FBH1: variants seen among roughly 807,000 people sequenced by gnomAD.
FBH1 encodes the protein DNA 3'-5' helicase 1.
A neutral mutation model predicts 115.5 loss-of-function variants in FBH1; 43 were observed. The ratio of observed to expected loss-of-function variants is 0.37; its 90% CI spans 0.29 to 0.48. The LOEUF (loss-of-function observed/expected upper bound fraction) is 0.48. FBH1 is among the 20% of genes least tolerant of loss of function. FBH1 has a pLI of 0.99. For synonymous variants in FBH1, 524 were observed against 507.8 expected (o/e 1.03, Z -0.43); for missense variants, 1,001 against 1,337.3 (o/e 0.75, Z 3.92).
Position 5,909,087 on chromosome 10 carries a change from C to T in FBH1, c.884+32C>T. On this transcript the variant is annotated intron_variant, in intron 4 of 20. Transcript: ENST00000362091. The surrounding 1 kb of genome is among the most constrained non-coding windows in gnomAD (Gnocchi z 4.4). The stretch of plus-strand genomic sequence containing the variant: ...TTTGCCTGTGCTGTAAAGAAGGCGT[C>T]TTTGAAGTCTTCCTTGTACATCAGT... The T allele has an allele frequency of 1.2e-6, 2 of 1,613,868 alleles. No homozygotes were observed. The highest frequency in any genetic ancestry group is 8.5e-7 in the Non-Finnish European group (1 of 1,179,980).
chr10:5,909,358 T>C lies in FBH1; in HGVS notation c.1020+64T>C, dbSNP rs760546379. 3.9e-6 allele frequency: 6 copies of C among 1,527,442 alleles called. No individual in the cohort carries two copies. In the East Asian group the frequency reaches 1.1e-4, roughly 29 times the overall value. 94.6% of individuals were successfully genotyped at this position (1,527,442 alleles called of 1,614,324 possible). ...TCACTGGAGGAAAGTGTACTGGTGA[T>C]TCAGTTCAATTGAGGATGACTTTAT... On this transcript the variant is annotated intron_variant, in intron 5 of 20. Coordinates refer to ENST00000362091, the MANE Select transcript of FBH1 (RefSeq NM_178150.3). The surrounding 1 kb of genome is among the most constrained non-coding windows in gnomAD (Gnocchi z 4.4).
rs868798721 is a variant in FBH1 at position 5,908,586 on chromosome 10, T to G, written c.754-339T>G. ...AAAAGGTTATCTATGTGTTTGTGGC[T>G]TAATCTGCTTTTTTTCTTTCTTTTT... On this transcript the variant is annotated intron_variant, in intron 3 of 20. Transcript: ENST00000362091. Among the ~76,000 whole-genome samples, 20 of 152,170 alleles carry G rather than the reference T, an allele frequency of 1.3e-4. No homozygotes were observed. In the Middle Eastern group the frequency reaches 0.014, roughly 104 times the overall value.
rs753762406 is a variant in FBH1 at position 5,910,469 on chromosome 10, G to A, written c.1021-469G>A. Among the ~76,000 whole-genome samples the A allele has an allele frequency of 1.3e-5, 2 of 152,120 alleles. No individual in the cohort carries two copies. The highest frequency in any genetic ancestry group is 2.4e-5 in the African/African-American group (1 of 41,416). Reference sequence around the variant, plus strand: ...ATAGCAAGTTAACACCGTCATGCTGGAGAACTGCCAGATTTTATTTTCCCC... The same window carrying A: ...ATAGCAAGTTAACACCGTCATGCTGAAGAACTGCCAGATTTTATTTTCCCC... On this transcript the variant is annotated intron_variant, in intron 5 of 20. Coordinates refer to ENST00000362091, the MANE Select transcript of FBH1 (RefSeq NM_178150.3). This position sits in a 1 kb window ranked among gnomAD's most constrained non-coding sequence, Gnocchi z 4.8.
At position 5,932,737 on chromosome 10, in the gene FBH1, A is replaced by G. The variant is rs1313153877; in HGVS notation, c.2830-3719A>G. ...GTTGTTTTGTTTTGTTTTGTTTTTG[A>G]GACAAGGCCTGGCTCTGTCACCCAG... On this transcript the variant is annotated intron_variant, in intron 19 of 20. Transcript: ENST00000362091. This position sits in a 1 kb window ranked among gnomAD's most constrained non-coding sequence, Gnocchi z 5.9. Among the ~76,000 whole-genome samples, 1 of 152,076 alleles carries G rather than the reference A, an allele frequency of 6.6e-6. No homozygotes were observed. Among genetic ancestry groups the G allele is most frequent in the Non-Finnish European group, 1.5e-5 (1 of 68,008 alleles).
Position 5,910,578 on chromosome 10 carries a change from C to A in FBH1, c.1021-360C>A, listed in dbSNP as rs1026655900. ...CCCTTGCTGGCTGTTTTGCTCTGGCCCTGCCAAGCACATATGGACCTGAGA... is the reference window on the plus strand; with the variant it reads ...CCCTTGCTGGCTGTTTTGCTCTGGCACTGCCAAGCACATATGGACCTGAGA... On this transcript the variant is annotated intron_variant, in intron 5 of 20. Transcript: ENST00000362091. The surrounding 1 kb of genome is among the most constrained non-coding windows in gnomAD (Gnocchi z 4.8). Among the ~76,000 whole-genome samples the A allele has an allele frequency of 2.0e-5, 3 of 152,058 alleles. No individual in the cohort carries two copies. Among genetic ancestry groups the A allele is most frequent in the African/African-American group, 7.2e-5 (3 of 41,398 alleles).
In FBH1 at chr10:5,921,461, T is replaced by C. The variant is rs753888631; in HGVS notation, c.2214T>C (p.Gly738=). The C allele has an allele frequency of 2.5e-6, 4 of 1,603,730 alleles. No individual in the cohort carries two copies. In the African/African-American group the frequency reaches 5.4e-5, roughly 22 times the overall value. ...VGGNHQSGIR[G]DAKGQVALLS... ...CTCTCCCTAAAGGTGGCATTAGAGG[T>C]GACGCAAAGGGGCAAGTGGCCTTGT... Residue 738 remains glycine (G), a synonymous_variant, in exon 15 of 21, where the codon GGT becomes GGC. Transcript: ENST00000362091. This position sits in a 1 kb window ranked among gnomAD's most constrained non-coding sequence, Gnocchi z 6.4.
In FBH1 at chr10:5,915,853, C is replaced by G. The variant is rs1204775636; in HGVS notation, c.1565+282C>G. 2.0e-6 allele frequency: 1 copy of G among 495,662 alleles called. No homozygotes were observed. The highest frequency in any genetic ancestry group is 3.6e-5 in the East Asian group (1 of 27,434). The allele number at this position is 495,662 out of a possible 1,614,324, so 30.7% of individuals were successfully genotyped here. On this transcript the variant is annotated intron_variant, in intron 9 of 20. Transcript: ENST00000362091. This position sits in a 1 kb window ranked among gnomAD's most constrained non-coding sequence, Gnocchi z 5.2. Reference sequence around the variant, plus strand: ...GACTTGCTTAAAGTTCAGAGTCTCACAAATCCTGATCAGTTGTAGGCTTTT... The same window carrying G: ...GACTTGCTTAAAGTTCAGAGTCTCAGAAATCCTGATCAGTTGTAGGCTTTT...
At position 5,914,067 on chromosome 10, in the gene FBH1, T is replaced by C. The variant is rs1831776672; in HGVS notation, c.1305-111T>C. On this transcript the variant is annotated intron_variant, in intron 7 of 20. Coordinates refer to ENST00000362091, the MANE Select transcript of FBH1 (RefSeq NM_178150.3). This position sits in a 1 kb window ranked among gnomAD's most constrained non-coding sequence, Gnocchi z 5.2. ...TTATTCTCGTAAGGGGAGGCCTTTT[T>C]TTTGGTCAGCTTTTGTTTATCCAGT... 1 of 1,084,894 alleles carries C rather than the reference T, an allele frequency of 9.2e-7. No individual in the cohort carries two copies. Among genetic ancestry groups the C allele is most frequent in the East Asian group, 2.4e-5 (1 of 42,334 alleles). The allele number at this position is 1,084,894 out of a possible 1,614,324, so 67.2% of individuals were successfully genotyped here. A position where few individuals can be genotyped will look rare whatever the true frequency, so the allele number is the denominator to read the frequency against.
In FBH1 at chr10:5,925,201, G is replaced by T; in HGVS notation, c.2597-166G>T. On this transcript the variant is annotated intron_variant, in intron 17 of 20. Coordinates refer to ENST00000362091, the MANE Select transcript of FBH1 (RefSeq NM_178150.3). This position sits in a 1 kb window ranked among gnomAD's most constrained non-coding sequence, Gnocchi z 4.6. ...CTTTTTCTTTTTTCTGTTCCCGACAGTTGTCTGTTCCCGACAGTTGTTTCC... is the reference window on the plus strand; with the variant it reads ...CTTTTTCTTTTTTCTGTTCCCGACATTTGTCTGTTCCCGACAGTTGTTTCC... 1 of 803,262 alleles carries T rather than the reference G, an allele frequency of 1.2e-6. No homozygotes were observed. The highest frequency in any genetic ancestry group is 1.9e-5 in the South Asian group (1 of 53,486). The allele number at this position is 803,262 out of a possible 1,614,324, so 49.8% of individuals were successfully genotyped here. A position where few individuals can be genotyped will look rare whatever the true frequency, so the allele number is the denominator to read the frequency against.
intron 19 of FBH1, chr10:5,934,190 T>A (rs1185060423): frequency 3.3e-5 from 5 of 152,138 alleles, no homozygotes; most frequent in Admixed American, 2.6e-4. Flanking sequence ...AGCCCCTTTA[T>A]CTCCCAAGAG....
At position 5,921,620 on chromosome 10, in the gene FBH1, A is replaced by G; in HGVS notation, c.2322+51A>G. 6.4e-7 allele frequency: 1 copy of G among 1,572,782 alleles called. No individual in the cohort carries two copies. The highest frequency in any genetic ancestry group is 8.5e-7 in the Non-Finnish European group (1 of 1,169,604). On this transcript the variant is annotated intron_variant, in intron 15 of 20. Coordinates refer to ENST00000362091, the MANE Select transcript of FBH1 (RefSeq NM_178150.3). The surrounding 1 kb of genome is among the most constrained non-coding windows in gnomAD (Gnocchi z 6.4). ...TTCATGCACAGAAACGTTGTAGACG[A>G]ACATACCCAATGGAAATGTTCACCT...
In FBH1 at chr10:5,923,900, G is replaced by A; in HGVS notation, c.2398+204G>A. On this transcript the variant is annotated intron_variant, in intron 16 of 20. Transcript: ENST00000362091. The surrounding 1 kb of genome is among the most constrained non-coding windows in gnomAD (Gnocchi z 5.7). ...AGATTTTTCCAGATCCTCCTCACAG[G>A]AGCCTCAGTCTCTTTCCAACACTGG... 1 of 590,790 alleles carries A rather than the reference G, an allele frequency of 1.7e-6. No homozygotes were observed. Among genetic ancestry groups the A allele is most frequent in the Non-Finnish European group, 3.0e-6 (1 of 334,534 alleles). 36.6% of individuals were successfully genotyped at this position (590,790 alleles called of 1,614,324 possible). A position where few individuals can be genotyped will look rare whatever the true frequency, so the allele number is the denominator to read the frequency against.
intron 1 of FBH1, chr10:5,893,932 T>G: frequency 1.1e-6 from 1 of 917,612 alleles, no homozygotes. Flanking sequence ...AGACCATAAG[T>G]AGTGATCTTT....
chr10:5,920,729 T>A (rs1447433557), intron 13 of FBH1, among the ~76,000 whole-genome samples: 4 of 152,078 alleles, frequency 2.6e-5, no homozygotes, highest in African/African-American at 9.7e-5. Flanking sequence ...ACACCCCGAG[T>A]GTAGGGAAGA....
At chr10:5,912,030 G>A (rs1303338223) in intron 6 of FBH1, among the ~76,000 whole-genome samples, 2 of 152,082 alleles carry the variant, frequency 1.3e-5, no homozygotes, top group African/African-American at 4.8e-5. Flanking sequence ...GTGAAGGATG[G>A]ACAGGGACAG....
At position 5,924,827 on chromosome 10, in the gene FBH1, A is replaced by G; in HGVS notation, c.2596+319A>G. 2.2e-6 allele frequency: 1 copy of G among 456,852 alleles called. No individual in the cohort carries two copies. The highest frequency in any genetic ancestry group is 4.3e-6 in the Non-Finnish European group (1 of 232,558). The allele number at this position is 456,852 out of a possible 1,614,324, so 28.3% of individuals were successfully genotyped here. A position where few individuals can be genotyped will look rare whatever the true frequency, so the allele number is the denominator to read the frequency against. Reference sequence around the variant, plus strand: ...GTAATCTGCCCACCTCGACCTCCCAAAGTGCTAGAATTACAGGCGTGAGCC... The same window carrying G: ...GTAATCTGCCCACCTCGACCTCCCAGAGTGCTAGAATTACAGGCGTGAGCC... On this transcript the variant is annotated intron_variant, in intron 17 of 20. Coordinates refer to ENST00000362091, the MANE Select transcript of FBH1 (RefSeq NM_178150.3). The surrounding 1 kb of genome is among the most constrained non-coding windows in gnomAD (Gnocchi z 6.2).
intron 1 of FBH1, among the ~76,000 whole-genome samples, chr10:5,898,265 C>T (rs535326164): frequency 4.6e-5 from 7 of 152,304 alleles, no homozygotes; most frequent in South Asian, 2.1e-4. Flanking sequence ...TGGTGAGGGC[C>T]GCTTCCTGGT....
In FBH1 at chr10:5,906,670, A is replaced by G. The variant is rs766357716; in HGVS notation, c.753+38A>G. ...TGGAGTCGGGAGATGTTTCCTCTAA[A>G]AGCACGTAACTTTGCTTAATGCACG... On this transcript the variant is annotated intron_variant, in intron 3 of 20. Coordinates refer to ENST00000362091, the MANE Select transcript of FBH1 (RefSeq NM_178150.3). This position sits in a 1 kb window ranked among gnomAD's most constrained non-coding sequence, Gnocchi z 7.3. The G allele has an allele frequency of 1.3e-6, 2 of 1,526,806 alleles. No individual in the cohort carries two copies. Among genetic ancestry groups the G allele is most frequent in the Admixed American group, 1.8e-5 (1 of 55,706 alleles). The allele number at this position is 1,526,806 out of a possible 1,614,324, so 94.6% of individuals were successfully genotyped here.
At chr10:5,916,500 G>T (rs1181102111) in intron 10 of FBH1, 44 bp downstream of exon 10, 2 of 1,589,930 alleles carry the variant, frequency 1.3e-6, no homozygotes, top group Admixed American at 1.7e-5. Flanking sequence ...TGAGGATGGG[G>T]GAACAGGGGA....
Sources: gnomAD v4.1 joint callset for allele counts (sites outside exome capture counted in the v4.1 genomes callset) on GRCh38, gnomAD v4.1.1 for gene constraint, Gnocchi (gnomAD v3.1) non-coding constraint, MANE v1.5 for transcripts, NCBI Gene and HGNC (gene_info 2026-07-23, HGNC 2026-07-21) for gene names.